Variants in AGO2 observed in about 807,000 individuals in gnomAD.
AGO2 encodes protein argonaute-2.
AGO2 carries 5 observed loss-of-function variants against 102.3 expected under a neutral mutation model. The ratio of observed to expected loss-of-function variants is 0.05; its 90% CI spans 0.03 to 0.10. The LOEUF (loss-of-function observed/expected upper bound fraction) is 0.10, where lower values mean the gene tolerates loss of function less well. AGO2 is among the 10% of genes least tolerant of loss of function. The pLI is 1.00. For missense variants in AGO2, 541 were observed against 1,183.7 expected, an observed-to-expected ratio of 0.46 and a Z score of 7.97; for synonymous variants, 449 against 473.1, an observed-to-expected ratio of 0.95 and a Z score of 0.66.
intron 6 of AGO2, among the ~76,000 whole-genome samples, 198 bp downstream of exon 6, chr8:140,559,197 A>G (rs1478968330): frequency 6.6e-6 from 1 of 152,092 alleles, no homozygotes; most frequent in Non-Finnish European, 1.5e-5. Context: ...ATGGGGTTGT[A>G]TTTATTTAGG....
chr8:140,606,255 C>T (rs1350339078), intron 1 of AGO2, among the ~76,000 whole-genome samples: 1 of 152,206 alleles, frequency 6.6e-6, no homozygotes, highest in Non-Finnish European at 1.5e-5. Flanking sequence ...GATGCCTCCA[C>T]CCATTTCCAG....
At chr8:140,545,413 C>G (rs1243670132) in intron 13 of AGO2, among the ~76,000 whole-genome samples, 1 of 152,150 alleles carries the variant, frequency 6.6e-6, no homozygotes, top group Non-Finnish European at 1.5e-5. Context: ...CCTGCCCCAG[C>G]CTCTCCCATC....
chr8:140,536,997 C>T (rs2072710080), intron 16 of AGO2, among the ~76,000 whole-genome samples: 1 of 152,226 alleles, frequency 6.6e-6, no homozygotes, highest in South Asian at 2.1e-4. Context: ...TAAGGCTTGA[C>T]AGGACATTCT....
chr8:140,593,069 C>T (rs1430875455), intron 1 of AGO2: 1 of 152,238 alleles, frequency 6.6e-6, no homozygotes, highest in East Asian at 1.9e-4. Flanking sequence ...ATCTCTTGTA[C>T]TTCAGAAAGA....
At chr8:140,635,353 C>G in intron 1 of AGO2, 132 bp downstream of exon 1, 1 of 568,072 alleles carries the variant, frequency 1.8e-6, no homozygotes, top group Non-Finnish European at 2.2e-6. Flanking sequence ...CCCCGGCTCG[C>G]CCGCCCCCGG....
intron 4 of AGO2, among the ~76,000 whole-genome samples, chr8:140,561,240 A>G (rs961896328): frequency 1.8e-4 from 28 of 152,202 alleles, no homozygotes; most frequent in Non-Finnish European, 3.8e-4. Flanking sequence ...GCCGTCACTA[A>G]TGATTCTGAA....
At chr8:140,559,582 C>CG in intron 5 of AGO2, 53 bp from the exon 6 acceptor site, 1 of 1,607,140 alleles carries the variant, frequency 6.2e-7, no homozygotes, top group Non-Finnish European at 8.5e-7. Context: ...GGCTGCTGGA[C>CG]GGGCCCATAG....
intron 1 of AGO2, among the ~76,000 whole-genome samples, chr8:140,631,579 G>C (rs1194257831): frequency 6.6e-6 from 1 of 151,830 alleles, no homozygotes; most frequent in African/African-American, 2.4e-5. Flanking sequence ...AATATAACAA[G>C]TCAAATGCAG....
intron 16 of AGO2, among the ~76,000 whole-genome samples, chr8:140,538,666 C>A (rs1451528231): frequency 3.9e-5 from 6 of 152,198 alleles, no homozygotes; most frequent in African/African-American, 1.4e-4. Context: ...CGAGTTTGCA[C>A]CACTCTGCCA....
intron 14 of AGO2, chr8:140,541,584 C>T: frequency 2.1e-6 from 1 of 484,048 alleles, no homozygotes; most frequent in African/African-American, 2.1e-5. Flanking sequence ...TGCCAAGTTA[C>T]ATAGTTTAAA....
chr8:140,632,526 G>T (rs1055653546), intron 1 of AGO2, among the ~76,000 whole-genome samples: 8 of 152,246 alleles, frequency 5.3e-5, no homozygotes, highest in Non-Finnish European at 1.0e-4. Flanking sequence ...AGGTTACTTT[G>T]TGGCAAATCT....
chr8:140,630,858 A>C (rs1020755150), intron 1 of AGO2, among the ~76,000 whole-genome samples: 20 of 152,328 alleles, frequency 1.3e-4, no homozygotes, highest in Middle Eastern at 3.4e-3. Context: ...TCTGCGTAAC[A>C]GCCTGGGCAA....
Position 140,586,494 on chromosome 8 carries a change from TAAACAAAAC to T in AGO2, c.23-1192_23-1184del, listed in dbSNP as rs2073658431. ...GAGCGAGACTCCATCTCTAAATAAA[TAAACAAAAC>T]AAACAAACAAACTGAGTCCTCAAGC... On this transcript the variant is annotated intron_variant, in intron 1 of 18. Transcript: ENST00000220592. Among the ~76,000 whole-genome samples the T allele has an allele frequency of 2.0e-5, 3 of 152,078 alleles. No individual in the cohort carries two copies. The South Asian group carries it at 6.2e-4, about 32-fold the overall frequency.
At position 140,562,440 on chromosome 8, in the gene AGO2, G is replaced by A; in HGVS notation, c.518+13C>T. 1 of 1,604,814 alleles carries A rather than the reference G, an allele frequency of 6.2e-7. No individual in the cohort carries two copies. The stretch of plus-strand genomic sequence containing the variant: ...GGGAGTCCCCCGCCCTTGGTCCCGT[G>A]TGGCGCCCTCACCTCATGGATGGCA... On this transcript the variant is annotated intron_variant, in intron 4 of 18. Transcript: ENST00000220592.
rs755686582 is a variant in AGO2 at position 140,555,880 on chromosome 8, G to A, written c.1269+16C>T. 1.7e-5 allele frequency: 28 copies of A among 1,609,464 alleles called. No homozygotes were observed. In the Admixed American group the frequency reaches 2.2e-4, roughly 12 times the overall value. On this transcript the variant is annotated intron_variant, in intron 10 of 18. Coordinates refer to ENST00000220592, the MANE Select transcript of AGO2 (RefSeq NM_012154.5). ...CATGCCCCGCAGCCACACGTTCCCC[G>A]CCGCCCCACACGTACCCTGCCCCCG...
chr8:140,587,987 C>A (rs148882372), intron 1 of AGO2, among the ~76,000 whole-genome samples: 188 of 152,278 alleles, frequency 1.2e-3, no homozygotes, highest in Non-Finnish European at 2.0e-3. Flanking sequence ...CTCCCCACTA[C>A]TTCCAGGCCC....
At chr8:140,559,305 C>T in intron 6 of AGO2, 90 bp downstream of exon 6, 1 of 1,526,684 alleles carries the variant, frequency 6.6e-7, no homozygotes. Flanking sequence ...CAAATGCGCA[C>T]AAGAACCAGA....
chr8:140,538,575 A>G (rs1407825902), intron 16 of AGO2, among the ~76,000 whole-genome samples: 3 of 152,166 alleles, frequency 2.0e-5, no homozygotes, highest in African/African-American at 7.2e-5. Flanking sequence ...GAGATGTACC[A>G]TGGCGCTTCA....
intron 1 of AGO2, among the ~76,000 whole-genome samples, chr8:140,619,586 G>A (rs1351872834): frequency 6.6e-6 from 1 of 152,194 alleles, no homozygotes; most frequent in Non-Finnish European, 1.5e-5. Flanking sequence ...CAGAAGAGGA[G>A]GGACCTACCC....
Sources: gnomAD v4.1 joint callset for allele counts (sites outside exome capture counted in the v4.1 genomes callset) on GRCh38, gnomAD v4.1.1 for gene constraint, MANE v1.5 for transcripts, NCBI Gene and HGNC (gene_info 2026-07-23, HGNC 2026-07-21) for gene names.